The following HERC4 variants were observed in gnomAD, a reference collection of about 807,000 sequenced individuals.
HERC4 encodes HECT and RLD domain containing E3 ubiquitin protein ligase 4, also known as probable E3 ubiquitin-protein ligase HERC4.
In HERC4, 28 loss-of-function variants were observed where a neutral mutation model predicts 124.3. That is an observed-to-expected ratio of 0.23 (90% CI 0.17 to 0.31). The LOEUF (loss-of-function observed/expected upper bound fraction) is 0.31. Among genes scored for constraint, HERC4 ranks in the 10% least tolerant of loss-of-function variants. HERC4 has a pLI of 1.00. For missense variants in HERC4, 713 were observed against 1,229.3 expected (o/e 0.58, Z 6.28); for synonymous variants, 407 against 421.5 (o/e 0.97, Z 0.42).
chr10:67,940,872 T>C lies in HERC4; in HGVS notation c.2504+67A>G, dbSNP rs2032825188. The C allele has an allele frequency of 3.8e-6, 5 of 1,332,118 alleles. No individual in the cohort carries two copies. In the East Asian group the frequency reaches 7.5e-5, roughly 20 times the overall value. 82.5% of individuals were successfully genotyped at this position (1,332,118 alleles called of 1,614,324 possible). A position where few individuals can be genotyped will look rare whatever the true frequency, so the allele number is the denominator to read the frequency against. ...ATATATTTTTTCATAGAAGGAAAGC[T>C]TTCTGTACCTTCCCCACTTTTTACC... On this transcript the variant is annotated intron_variant, in intron 20 of 24. Coordinates refer to ENST00000373700, the MANE Select transcript of HERC4 (RefSeq NM_015601.4).
At position 67,955,010 on chromosome 10, in the gene HERC4, C is replaced by G. The variant is rs529271275; in HGVS notation, c.2146G>C (p.Glu716Gln). 14 of 1,601,990 alleles carry G rather than the reference C, an allele frequency of 8.7e-6. No homozygotes were observed. The South Asian group carries it at 1.2e-4, about 14-fold the overall frequency. The change falls in exon 18 of 25, where the codon GAA becomes CAA. Residue 716 changes from glutamate to glutamine, a missense_variant. Physicochemically the swap from Glu to Gln is conservative, Grantham distance 29. Transcript: ENST00000373700. ...ATGTTCTTTGTTTTCCTAAGGACTTCCATTGCATCTCCTACAATATTTTCT... is the reference window on the plus strand; with the variant it reads ...ATGTTCTTTGTTTTCCTAAGGACTTGCATTGCATCTCCTACAATATTTTCT... ...RRENIVGDAM[E>Q]VLRKTKNIDY...
chr10:67,992,894 C>T (rs1008106357), intron 9 of HERC4: 2 of 398,664 alleles, frequency 5.0e-6, no homozygotes, highest in South Asian at 1.1e-4. Context: ...GCATAAGCAG[C>T]ATTTGGTGAA....
intron 8 of HERC4, among the ~76,000 whole-genome samples, chr10:68,023,578 G>T (rs1235163287): frequency 6.6e-6 from 1 of 152,046 alleles, no homozygotes; most frequent in East Asian, 1.9e-4. Context: ...TTGTTTAATG[G>T]GTATAGAGCT....
chr10:68,046,990 AAC>A (rs1491156390), intron 3 of HERC4, among the ~76,000 whole-genome samples: 2 of 149,698 alleles, frequency 1.3e-5, no homozygotes, highest in Non-Finnish European at 1.5e-5. Flanking sequence ...AACAAAAAAA[AAC>A]ATGAAGAATT....
chr10:67,973,085 A>G, intron 15 of HERC4, among the ~76,000 whole-genome samples: 1 of 152,244 alleles, frequency 6.6e-6, no homozygotes, highest in East Asian at 1.9e-4. Flanking sequence ...GCATGTTAAC[A>G]ACTGCTGAAT....
intron 3 of HERC4, among the ~76,000 whole-genome samples, chr10:68,057,708 A>T (rs939421199): frequency 6.8e-6 from 1 of 146,866 alleles, no homozygotes; most frequent in Admixed American, 6.8e-5. Flanking sequence ...ACACCTTATT[A>T]TTTTTTTTTT....
chr10:67,946,032 C>G (rs2033298605), intron 19 of HERC4, among the ~76,000 whole-genome samples: 2 of 151,966 alleles, frequency 1.3e-5, no homozygotes, highest in South Asian at 4.1e-4. Context: ...GTAGGCAGAT[C>G]ACTTGAGCCC....
chr10:68,043,767 G>T (rs2039887904), intron 4 of HERC4, among the ~76,000 whole-genome samples: 1 of 151,576 alleles, frequency 6.6e-6, no homozygotes, highest in African/African-American at 2.4e-5. Flanking sequence ...AGTGAGCCGA[G>T]ATCACACCAT....
intron 9 of HERC4, chr10:68,010,523 C>T (rs1332588915): frequency 1.3e-5 from 12 of 947,448 alleles, no homozygotes; most frequent in Middle Eastern, 2.4e-4. Context: ...TGATCTGCTG[C>T]AGTGTGGGCT....
In HERC4 at chr10:67,939,465, T is replaced by C; in HGVS notation, c.2571+123A>G. The stretch of plus-strand genomic sequence containing the variant: ...TAGCTAGCATGTAGTAAATGCTCAA[T>C]AAATGTTAGCTAAAGGGTTCTTTAA... On this transcript the variant is annotated intron_variant, in intron 21 of 24. Coordinates refer to ENST00000373700, the MANE Select transcript of HERC4 (RefSeq NM_015601.4). 4.8e-6 allele frequency: 3 copies of C among 627,882 alleles called. No homozygotes were observed. In the South Asian group the frequency reaches 7.0e-5, roughly 15 times the overall value. The allele number at this position is 627,882 out of a possible 1,614,324, so 38.9% of individuals were successfully genotyped here. A position where few individuals can be genotyped will look rare whatever the true frequency, so the allele number is the denominator to read the frequency against.
At chr10:68,051,438 G>C (rs2133598270) in intron 3 of HERC4, among the ~76,000 whole-genome samples, 1 of 148,584 alleles carries the variant, frequency 6.7e-6, no homozygotes, top group East Asian at 2.0e-4. Context: ...TCTGCCTCCC[G>C]GGTTCGCGCC....
chr10:67,946,055 C>T (rs920903798), intron 19 of HERC4, among the ~76,000 whole-genome samples: 2 of 151,890 alleles, frequency 1.3e-5, no homozygotes, highest in African/African-American at 4.8e-5. Context: ...GAATTTGAGA[C>T]CAGCCTGGGC....
At chr10:68,025,330 A>T (rs2038845562) in intron 8 of HERC4, among the ~76,000 whole-genome samples, 1 of 152,214 alleles carries the variant, frequency 6.6e-6, no homozygotes, top group Admixed American at 6.5e-5. Context: ...ATACACTATT[A>T]ACATCTTGCC....
At chr10:68,036,235 G>A (rs1014916757) in intron 5 of HERC4, among the ~76,000 whole-genome samples, 15 of 151,218 alleles carry the variant, frequency 9.9e-5, no homozygotes, top group Admixed American at 9.2e-4. Flanking sequence ...AGAGAATGGC[G>A]TGAACCCAGG....
chr10:68,070,950 G>A (rs1223310710), intron 3 of HERC4, among the ~76,000 whole-genome samples: 2 of 151,956 alleles, frequency 1.3e-5, no homozygotes, highest in Admixed American at 6.6e-5. Flanking sequence ...AATGTCCTAG[G>A]CTCAAAGTGC....
chr10:67,965,008 G>C (rs574679146), intron 16 of HERC4: 2 of 152,108 alleles, frequency 1.3e-5, no homozygotes, highest in African/African-American at 4.8e-5. Flanking sequence ...TCCTGACCTC[G>C]TGATCTGCCC....
chr10:67,965,364 T>G (rs1488756333), intron 16 of HERC4: 1 of 152,206 alleles, frequency 6.6e-6, no homozygotes, highest in Non-Finnish European at 1.5e-5. Context: ...CTCTGTCTGG[T>G]TCACCACTGT....
At chr10:67,987,400 G>A (rs1022486185) in intron 15 of HERC4, among the ~76,000 whole-genome samples, 3 of 152,138 alleles carry the variant, frequency 2.0e-5, no homozygotes, top group African/African-American at 7.2e-5. Context: ...TTTGGTAATA[G>A]GGTCCAGCTG....
intron 3 of HERC4, chr10:68,069,915 C>G (rs191469207): frequency 8.0e-6 from 3 of 376,396 alleles, no homozygotes; most frequent in East Asian, 3.3e-4. Context: ...GGTGGCACGC[C>G]CCTATAGTCC....
Sources: allele counts gnomAD v4.1 joint callset (sites outside exome capture counted in the v4.1 genomes callset), GRCh38; gene constraint gnomAD v4.1.1; transcripts MANE v1.5; gene names NCBI Gene and HGNC (gene_info 2026-07-23, HGNC 2026-07-21).